SMIM28: variants seen among roughly 807,000 people sequenced by gnomAD.
SMIM28 encodes the protein small integral membrane protein 28.
intron 1 of SMIM28, among the ~76,000 whole-genome samples, chr6:138,380,260 A>C (rs1774297028): frequency 6.6e-6 from 1 of 152,228 alleles, no homozygotes; most frequent in Admixed American, 6.5e-5. Flanking sequence ...ATTCAAACAC[A>C]GAGCTGTCAA....
rs1012309225 is a variant in SMIM28, at chr6:138,378,122, G to A, written c.50G>A (p.Arg17Gln). 1.0e-5 allele frequency: 4 copies of A among 398,676 alleles called. No individual in the cohort carries two copies. Among genetic ancestry groups the A allele is most frequent in the African/African-American group, 2.1e-5 (1 of 48,744 alleles). 24.7% of individuals were successfully genotyped at this position (398,676 alleles called of 1,614,324 possible). A position where few individuals can be genotyped will look rare whatever the true frequency, so the allele number is the denominator to read the frequency against. Residue 17 changes from arginine to glutamine, a missense_variant, in exon 1 of 2, where the codon CGG (arginine) becomes CAG (glutamine). Arg to Gln is a conservative substitution (Grantham distance 43, BLOSUM62 1). Coordinates refer to ENST00000573100, the MANE Select transcript of SMIM28 (RefSeq NM_001368163.3). ...SSWKKFGHAG[R>Q]GTYEWLTSEP... ...TGGAAGAAGTTTGGACATGCTGGCC[G>A]GGGGACATATGAGTGGTTAACCAGC...
At chr6:138,379,340 C>T (rs1774289269) in intron 1 of SMIM28, among the ~76,000 whole-genome samples, 1 of 152,170 alleles carries the variant, frequency 6.6e-6, no homozygotes, top group African/African-American at 2.4e-5. Flanking sequence ...GGTATTTCTC[C>T]TTTCTCAAAT....
rs1774331165 is a variant in SMIM28, at chr6:138,382,821, GC to G, written c.436del (p.Gln146ArgfsTer19). 2.5e-6 allele frequency: 1 copy of G among 398,614 alleles called. No homozygotes were observed. The allele number at this position is 398,614 out of a possible 1,614,324, so 24.7% of individuals were successfully genotyped here. A position where few individuals can be genotyped will look rare whatever the true frequency, so the allele number is the denominator to read the frequency against. On this transcript the variant is annotated frameshift_variant, in exon 2 of 2. Coordinates refer to ENST00000573100, the MANE Select transcript of SMIM28 (RefSeq NM_001368163.3). LOFTEE classifies it low-confidence loss of function (END_TRUNC). ...CACCAGAAATCCTCCTGGGGAGGAG[GC>G]CCAGGGATGCAGTCCTTCAGTATGA... ...EATRNPPGEE[A>X]QGCSPSV
At chr6:138,382,396 CAAAAAAAAAAA>C (rs59155652) in intron 1 of SMIM28, 93 bp from the exon 2 acceptor site, 5 of 138,882 alleles carry the variant, frequency 3.6e-5, no homozygotes, top group South Asian at 5.3e-4. Context: ...GACTGTGTCT[CAAAAAAAAAAA>C]AAAAAAAAAA....
Position 138,383,341 on chromosome 6 carries a change from G to A in SMIM28, c.*494G>A, listed in dbSNP as rs967620791. 2.0e-5 allele frequency among the ~76,000 whole-genome samples: 3 copies of A among 152,190 alleles called. No homozygotes were observed. Among genetic ancestry groups the A allele is most frequent in the African/African-American group, 4.8e-5 (2 of 41,452 alleles). ...CTGTATGAATGCTCCAAGATATAGA[G>A]AGTTCTAGCAGGAGTAAAAGACATC... is the stretch of plus-strand genomic sequence containing the variant. On this transcript the variant is annotated 3_prime_UTR_variant, in exon 2 of 2. Transcript: ENST00000573100.
chr6:138,382,450 C>T lies in SMIM28; in HGVS notation c.112-50C>T, dbSNP rs182654696. On this transcript the variant is annotated intron_variant, in intron 1 of 1. Transcript: ENST00000573100. ...AGAAAGAAAAAAAAAAAAAGAAATG[C>T]GAGGCCTTCTTTCCACATTTCCTAA... 4.4e-3 allele frequency: 1,704 copies of T among 388,940 alleles called. 11 individuals carry two copies. Among genetic ancestry groups the T allele is most frequent in the South Asian group, 0.018 (134 of 7,498 alleles). 24.1% of individuals were successfully genotyped at this position (388,940 alleles called of 1,614,324 possible). A position where few individuals can be genotyped will look rare whatever the true frequency, so the allele number is the denominator to read the frequency against.
At chr6:138,381,881 CTA>C (rs1367840403) in intron 1 of SMIM28, among the ~76,000 whole-genome samples, 3 of 152,174 alleles carry the variant, frequency 2.0e-5, no homozygotes, top group African/African-American at 7.2e-5. Flanking sequence ...GACCTACTAA[CTA>C]AAATTTATTT....
At chr6:138,379,840 T>A (rs935578496) in intron 1 of SMIM28, among the ~76,000 whole-genome samples, 1 of 152,162 alleles carries the variant, frequency 6.6e-6, no homozygotes, top group Non-Finnish European at 1.5e-5. Context: ...AGATTTTAAG[T>A]TAATAATTCT....
chr6:138,380,332 T>A lies in SMIM28; in HGVS notation c.111+2149T>A, dbSNP rs1774297535. On this transcript the variant is annotated intron_variant, in intron 1 of 1. Coordinates refer to ENST00000573100, the MANE Select transcript of SMIM28 (RefSeq NM_001368163.3). ...TTTTTATGTTCTTTAAGCTAAAATA[T>A]CTTAATTCATATCTTACCAAGGACA... 2.0e-5 allele frequency among the ~76,000 whole-genome samples: 3 copies of A among 152,340 alleles called. No homozygotes were observed. In the South Asian group the frequency reaches 6.2e-4, roughly 32 times the overall value.
intron 1 of SMIM28, among the ~76,000 whole-genome samples, chr6:138,380,736 T>C (rs9495059): frequency 0.16 from 24,775 of 151,252 alleles, 3,722 homozygotes; most frequent in African/African-American, 0.4. Context: ...CACTGCACTC[T>C]AGTCTGGGCG....
Position 138,382,846 on chromosome 6 carries a change from GA to G in SMIM28, c.*3del. ...GCCCAGGGATGCAGTCCTTCAGTAT[GA>G]AAAGGGCTCACCTGGACTGGAAGAG... is the stretch of plus-strand genomic sequence containing the variant. ...EEAQGCSPSV[*>X] is the part of the protein sequence containing the mutation. On this transcript the variant is annotated frameshift_variant and stop_lost, in exon 2 of 2. Transcript: ENST00000573100. LOFTEE classifies it high-confidence loss of function. The G allele has an allele frequency of 2.5e-6, 1 of 398,708 alleles. No homozygotes were observed. Among genetic ancestry groups the G allele is most frequent in the Non-Finnish European group, 4.4e-6 (1 of 226,164 alleles). 24.7% of individuals were successfully genotyped at this position (398,708 alleles called of 1,614,324 possible).
intron 1 of SMIM28, among the ~76,000 whole-genome samples, chr6:138,381,533 T>TA (rs1486952339): frequency 4.6e-5 from 7 of 152,346 alleles, no homozygotes; most frequent in African/African-American, 1.4e-4. Context: ...ATAAAATCGA[T>TA]ACCTTTTAGG....
Position 138,381,869 on chromosome 6 carries a change from C to T in SMIM28, c.112-631C>T, listed in dbSNP as rs1336303925. 2.6e-5 allele frequency among the ~76,000 whole-genome samples: 4 copies of T among 152,124 alleles called. No individual in the cohort carries two copies. The East Asian group carries it at 5.8e-4, about 22-fold the overall frequency. On this transcript the variant is annotated intron_variant, in intron 1 of 1. Transcript: ENST00000573100. Reference sequence around the variant, plus strand: ...AATTTTCTTTCAAGAAAATGAACAGCGGACCTACTAACTAAAATTTATTTC... The same window carrying T: ...AATTTTCTTTCAAGAAAATGAACAGTGGACCTACTAACTAAAATTTATTTC...
At chr6:138,379,787 A>G (rs910185162) in intron 1 of SMIM28, among the ~76,000 whole-genome samples, 13 of 152,146 alleles carry the variant, frequency 8.5e-5, no homozygotes, top group Non-Finnish European at 7.4e-5. Context: ...GAGTTCATCT[A>G]CTCTTACAGT....
intron 1 of SMIM28, among the ~76,000 whole-genome samples, chr6:138,380,388 C>A (rs1774297998): frequency 6.6e-6 from 1 of 152,114 alleles, no homozygotes; most frequent in Non-Finnish European, 1.5e-5. Context: ...ATTAAATAAA[C>A]CATCTAATTT....
At chr6:138,381,062 C>A (rs1002353331) in intron 1 of SMIM28, among the ~76,000 whole-genome samples, 4 of 151,892 alleles carry the variant, frequency 2.6e-5, no homozygotes, top group African/African-American at 9.7e-5. Context: ...ACCACCACGC[C>A]CTGCTAATTT....
Position 138,382,804 on chromosome 6 carries a change from A to C in SMIM28, c.416A>C (p.Asn139Thr), listed in dbSNP as rs115293131. 1.2e-3 allele frequency: 471 copies of C among 398,514 alleles called. 5 individuals are homozygous for C. Among genetic ancestry groups the C allele is most frequent in the African/African-American group, 9.2e-3 (448 of 48,684 alleles). 24.7% of individuals were successfully genotyped at this position (398,514 alleles called of 1,614,324 possible). A position where few individuals can be genotyped will look rare whatever the true frequency, so the allele number is the denominator to read the frequency against. The change falls in exon 2 of 2, where the codon AAT (asparagine) becomes ACT (threonine). Residue 139 changes from asparagine to threonine, a missense_variant. Asn to Thr is a moderately conservative substitution (Grantham distance 65). Coordinates refer to ENST00000573100, the MANE Select transcript of SMIM28 (RefSeq NM_001368163.3). ...LPPSYEEATR[N>T]PPGEEAQGCS... ...CCCTCCTACGAAGAGGCCACCAGAA[A>C]TCCTCCTGGGGAGGAGGCCCAGGGA...
At chr6:138,380,560 G>T (rs1345366399) in intron 1 of SMIM28, among the ~76,000 whole-genome samples, 2 of 152,116 alleles carry the variant, frequency 1.3e-5, no homozygotes, top group Non-Finnish European at 2.9e-5. Flanking sequence ...GAGGTCAGGA[G>T]ATCGAGACCA....
intron 1 of SMIM28, among the ~76,000 whole-genome samples, chr6:138,381,660 C>A (rs6918995): frequency 0.16 from 24,327 of 152,136 alleles, 3,482 homozygotes; most frequent in African/African-American, 0.39. Context: ...ATTCATCATA[C>A]GCACCATCAA....
Sources: gnomAD v4.1 joint callset for allele counts (sites outside exome capture counted in the v4.1 genomes callset) on GRCh38, gnomAD v4.1.1 for gene constraint, MANE v1.5 for transcripts, NCBI Gene and HGNC (gene_info 2026-07-23, HGNC 2026-07-21) for gene names.